CACNB4: variants seen among roughly 807,000 people sequenced by gnomAD.
The protein encoded by CACNB4 is voltage-dependent L-type calcium channel subunit beta-4.
Under a neutral mutation model 71.2 loss-of-function variants are expected in CACNB4, and 32 were observed. The ratio of observed to expected loss-of-function variants is 0.45; its 90% CI spans 0.34 to 0.60. CACNB4 has a LOEUF of 0.60. CACNB4 is among the 20% of genes least tolerant of loss of function. The pLI is 0.01. For missense variants in CACNB4, 464 were observed against 647.9 expected, an observed-to-expected ratio of 0.72 and a Z score of 3.08; for synonymous variants, 231 against 236.9, an observed-to-expected ratio of 0.97 and a Z score of 0.23.
intron 2 of CACNB4, among the ~76,000 whole-genome samples, chr2:152,055,526 C>T (rs1014767126): frequency 6.6e-6 from 1 of 152,160 alleles, no homozygotes; most frequent in African/African-American, 2.4e-5. Flanking sequence ...GACTCACTCA[C>T]TTATGGAGAC....
intron 2 of CACNB4, among the ~76,000 whole-genome samples, chr2:151,895,873 C>T (rs1207828653): frequency 7.4e-5 from 10 of 135,664 alleles, no homozygotes; most frequent in Non-Finnish European, 1.4e-4. Context: ...GATGGAGTTT[C>T]GCTCTTGTCA....
chr2:152,015,864 C>T (rs1683314920), intron 2 of CACNB4, among the ~76,000 whole-genome samples: 2 of 152,178 alleles, frequency 1.3e-5, no homozygotes, highest in African/African-American at 2.4e-5. Flanking sequence ...TTGGAACTGC[C>T]CACCCAGTTA....
intron 2 of CACNB4, among the ~76,000 whole-genome samples, chr2:152,051,208 C>T (rs1286714828): frequency 6.6e-6 from 1 of 152,170 alleles, no homozygotes; most frequent in African/African-American, 2.4e-5. Flanking sequence ...CCCCCCATCC[C>T]TACCCAGCGG....
At chr2:152,062,541 A>G (rs12327907) in intron 2 of CACNB4, among the ~76,000 whole-genome samples, 33,332 of 152,200 alleles carry the variant, frequency 0.22, 3,827 homozygotes, top group Middle Eastern at 0.39. Context: ...AAGGGGGTAC[A>G]TACACAGAAT....
intron 2 of CACNB4, among the ~76,000 whole-genome samples, chr2:151,895,096 C>CCCCCCACACACACACA (rs762464510): frequency 4.5e-5 from 1 of 22,288 alleles, no homozygotes; most frequent in African/African-American, 6.2e-5. Flanking sequence ...TCAAATAGCC[C>CCCCCCACACACACACA]CACACACACA....
intron 2 of CACNB4, among the ~76,000 whole-genome samples, chr2:152,017,356 A>G (rs1330544487): frequency 6.7e-6 from 1 of 149,954 alleles, no homozygotes; most frequent in Non-Finnish European, 1.5e-5. Flanking sequence ...GTCATTGCAG[A>G]TAGATAAATC....
At chr2:152,040,693 G>C (rs1266523331) in intron 2 of CACNB4, among the ~76,000 whole-genome samples, 1 of 152,058 alleles carries the variant, frequency 6.6e-6, no homozygotes, top group Non-Finnish European at 1.5e-5. Flanking sequence ...CACTCGCCTC[G>C]GCCTCCCAAA....
chr2:152,072,387 T>C (rs2105376221), intron 2 of CACNB4, among the ~76,000 whole-genome samples: 1 of 152,350 alleles, frequency 6.6e-6, no homozygotes, highest in South Asian at 2.1e-4. Flanking sequence ...ATATTAAATT[T>C]TAAGGAAATG....
intron 2 of CACNB4, among the ~76,000 whole-genome samples, chr2:152,027,065 C>A (rs530278027): frequency 6.6e-6 from 1 of 152,292 alleles, no homozygotes; most frequent in South Asian, 2.1e-4. Context: ...TGCCACCATG[C>A]CCGGCTAATT....
chr2:152,080,169 TGGA>T (rs1687278889), intron 2 of CACNB4, among the ~76,000 whole-genome samples: 1 of 152,038 alleles, frequency 6.6e-6, no homozygotes, highest in African/African-American at 2.4e-5. Flanking sequence ...TCGCCCAGGC[TGGA>T]GTGCAGTGGC....
chr2:152,086,988 C>T (rs1201162894), intron 2 of CACNB4, among the ~76,000 whole-genome samples: 3 of 152,104 alleles, frequency 2.0e-5, no homozygotes, highest in Non-Finnish European at 4.4e-5. Flanking sequence ...CAAAATTAGC[C>T]GGGCATGCTG....
chr2:152,032,131 T>C (rs1684319252), intron 2 of CACNB4, among the ~76,000 whole-genome samples: 1 of 152,212 alleles, frequency 6.6e-6, no homozygotes, highest in Admixed American at 6.5e-5. Context: ...TGACCAAGTC[T>C]GATTTTTTCA....
intron 2 of CACNB4, among the ~76,000 whole-genome samples, chr2:152,039,514 C>A (rs895114734): frequency 1.3e-5 from 2 of 152,086 alleles, no homozygotes; most frequent in African/African-American, 4.8e-5. Context: ...CTACTCTGTT[C>A]ACTTGCCAAG....
intron 2 of CACNB4, among the ~76,000 whole-genome samples, chr2:152,093,348 T>C (rs1688082732): frequency 1.3e-5 from 2 of 152,150 alleles, no homozygotes; most frequent in Admixed American, 6.5e-5. Flanking sequence ...AATTGAATAA[T>C]CTTTACATTC....
chr2:152,095,027 G>C (rs1688191026), intron 2 of CACNB4, among the ~76,000 whole-genome samples: 1 of 152,202 alleles, frequency 6.6e-6, no homozygotes, highest in African/African-American at 2.4e-5. Flanking sequence ...TGTGTACTTT[G>C]AAGATCATTT....
intron 2 of CACNB4, among the ~76,000 whole-genome samples, chr2:151,994,490 G>A (rs1164864671): frequency 6.7e-6 from 1 of 149,778 alleles, no homozygotes; most frequent in Non-Finnish European, 1.5e-5. Context: ...ACAGGCGTGA[G>A]CCACCATTCC....
At position 151,870,627 on chromosome 2, in the gene CACNB4, C is replaced by A; in HGVS notation, c.619-16G>T. The A allele has an allele frequency of 6.2e-7, 1 of 1,604,456 alleles. No homozygotes were observed. The highest frequency in any genetic ancestry group is 1.1e-5 in the South Asian group (1 of 90,262). The stretch of plus-strand genomic sequence containing the variant: ...TGTGCTCCGTCTGAAAAAGATGATT[C>A]GACACGCGTGACAAGGTGAGGTTGA... On this transcript the variant is annotated splice_polypyrimidine_tract_variant and intron_variant, in intron 7 of 13. Coordinates refer to ENST00000539935, the MANE Select transcript of CACNB4 (RefSeq NM_000726.5).
intron 2 of CACNB4, among the ~76,000 whole-genome samples, chr2:151,931,100 T>C (rs1200791159): frequency 1.3e-5 from 2 of 152,220 alleles, no homozygotes; most frequent in African/African-American, 4.8e-5. Flanking sequence ...CCCCATTTTC[T>C]GTTTCATCAG....
chr2:152,077,350 C>T (rs969149243), intron 2 of CACNB4, among the ~76,000 whole-genome samples: 1 of 152,120 alleles, frequency 6.6e-6, no homozygotes, highest in Admixed American at 6.5e-5. Context: ...GTCAAGAGTT[C>T]GAGACCAGCC....
Sources: allele counts gnomAD v4.1 joint callset (sites outside exome capture counted in the v4.1 genomes callset), GRCh38; gene constraint gnomAD v4.1.1; transcripts MANE v1.5; gene names NCBI Gene and HGNC (gene_info 2026-07-23, HGNC 2026-07-21).